Variants in SLC22A6 observed in about 807,000 individuals in gnomAD.
SLC22A6 encodes the protein solute carrier family 22 member 6, also known as PAH transporter.
Under a neutral mutation model 56.7 loss-of-function variants are expected in SLC22A6, and 45 were observed. The observed-to-expected ratio is 0.79, with a 90% CI of 0.63 to 1.02. The LOEUF is 1.02. Ranked by LOEUF, SLC22A6 falls within the 50% of genes least tolerant of loss-of-function variation. SLC22A6 has a pLI of 0.00. For missense variants in SLC22A6, 606 were observed against 713.8 expected (o/e 0.85, Z 1.72); for synonymous variants, 291 against 295.9 (o/e 0.98, Z 0.17).
In SLC22A6 at chr11:62,983,709, A is replaced by G. The variant is rs372228541; in HGVS notation, c.474-18T>C. The stretch of plus-strand genomic sequence containing the variant: ...GGCCTAGCCTGTGGGAGGAGGGGAG[A>G]CTTGTAGCAGGGCCCTGGAGACTGA... On this transcript the variant is annotated intron_variant, in intron 2 of 9. Coordinates refer to ENST00000360421, the MANE Select transcript of SLC22A6 (RefSeq NM_153276.3). The surrounding 1 kb of genome is among the most constrained non-coding windows in gnomAD (Gnocchi z 4.5). 6.3e-7 allele frequency: 1 copy of G among 1,598,440 alleles called. No homozygotes were observed. Among genetic ancestry groups the G allele is most frequent in the African/African-American group, 1.3e-5 (1 of 74,104 alleles).
At chr11:62,982,086 AC>A (rs1297379171) in intron 3 of SLC22A6, 76 bp from the exon 4 acceptor site, 1 of 1,447,012 alleles carries the variant, frequency 6.9e-7, no homozygotes, top group Non-Finnish European at 9.4e-7. Context: ...CTCCATCCAA[AC>A]CTTGGCCTGT....
chr11:62,978,692 C>T lies in SLC22A6; in HGVS notation c.1361+796G>A, dbSNP rs978463540. Among the ~76,000 whole-genome samples the T allele has an allele frequency of 9.4e-5, 14 of 148,632 alleles. 1 individual carries two copies. The highest frequency in any genetic ancestry group is 2.2e-4 in the South Asian group (1 of 4,650). On this transcript the variant is annotated intron_variant, in intron 8 of 9. Transcript: ENST00000360421. ...CTGCAAGCTCCGCCTCCCGGGTTCACGCCATTCTCCTGCCTCAGCCTCCCA... is the reference window on the plus strand; with the variant it reads ...CTGCAAGCTCCGCCTCCCGGGTTCATGCCATTCTCCTGCCTCAGCCTCCCA...
At chr11:62,981,608 G>A (rs1489656877) in intron 4 of SLC22A6, among the ~76,000 whole-genome samples, 2 of 152,238 alleles carry the variant, frequency 1.3e-5, no homozygotes, top group Non-Finnish European at 2.9e-5. Flanking sequence ...GGTAGGGGGA[G>A]CAGAGCAGGC....
rs1293865839 is a variant in SLC22A6 at position 62,983,833 on chromosome 11, T to A, written c.473+111A>T. ...TGAAGTATGAGGCTGGTGCTGTAGA[T>A]CCTCAAACCAGCGCCGGCTGGCAAT... On this transcript the variant is annotated intron_variant, in intron 2 of 9. Coordinates refer to ENST00000360421, the MANE Select transcript of SLC22A6 (RefSeq NM_153276.3). The surrounding 1 kb of genome is among the most constrained non-coding windows in gnomAD (Gnocchi z 4.5). 1.4e-5 allele frequency: 17 copies of A among 1,172,570 alleles called. No individual in the cohort carries two copies. Among genetic ancestry groups the A allele is most frequent in the Admixed American group, 2.5e-5 (1 of 39,854 alleles). 72.6% of individuals were successfully genotyped at this position (1,172,570 alleles called of 1,614,324 possible).
At position 62,984,110 on chromosome 11, in the gene SLC22A6, C is replaced by A. The variant is rs538868236; in HGVS notation, c.370-63G>T. On this transcript the variant is annotated intron_variant, in intron 1 of 9. Transcript: ENST00000360421. ...CTGGCTTCAGAGAATCCCCTTCCCC[C>A]ACTTCAGCTGGTCCTCTGGGGTCCA... 2.6e-5 allele frequency: 34 copies of A among 1,296,668 alleles called. No individual in the cohort carries two copies. The African/African-American group carries it at 4.7e-4, about 18-fold the overall frequency. The allele number at this position is 1,296,668 out of a possible 1,614,324, so 80.3% of individuals were successfully genotyped here.
At chr11:62,981,754 G>T in intron 4 of SLC22A6, 88 bp downstream of exon 4, 1 of 1,303,266 alleles carries the variant, frequency 7.7e-7, no homozygotes, top group Non-Finnish European at 1.0e-6. Flanking sequence ...TTGTGGGATG[G>T]GATGTGTGCT....
chr11:62,979,417 T>C, intron 8 of SLC22A6, 71 bp downstream of exon 8: 2 of 1,072,462 alleles, frequency 1.9e-6, no homozygotes, highest in Non-Finnish European at 2.9e-6. Flanking sequence ...AGCTCTGGGG[T>C]CTGACCTGTG....
At position 62,979,611 on chromosome 11, in the gene SLC22A6, G is replaced by A. The variant is rs149088036; in HGVS notation, c.1253-15C>T. 1 of 1,607,844 alleles carries A rather than the reference G, an allele frequency of 6.2e-7. No individual in the cohort carries two copies. Among genetic ancestry groups the A allele is most frequent in the Non-Finnish European group, 8.5e-7 (1 of 1,174,306 alleles). The stretch of plus-strand genomic sequence containing the variant: ...AATGGACTGGTCTAGAGAGAAAGAA[G>A]GGGGGATAGCAGGAGCTTGGGAGTG... On this transcript the variant is annotated splice_polypyrimidine_tract_variant and intron_variant, in intron 7 of 9. Transcript: ENST00000360421.
Position 62,981,118 on chromosome 11 carries a change from G to C in SLC22A6, c.922-18C>G, listed in dbSNP as rs931445013. On this transcript the variant is annotated intron_variant, in intron 5 of 9. Transcript: ENST00000360421. ...CGGAGTACCTGCTGGGACCGGCAGA[G>C]CTCAGGGCCCGGGATCCTCCCAAGG... is the stretch of plus-strand genomic sequence containing the variant. 6.2e-7 allele frequency: 1 copy of C among 1,609,490 alleles called. No individual in the cohort carries two copies. Among genetic ancestry groups the C allele is most frequent in the Admixed American group, 1.7e-5 (1 of 59,780 alleles).
chr11:62,979,652 T>C, intron 7 of SLC22A6, 56 bp from the exon 8 acceptor site: 5 of 1,585,626 alleles, frequency 3.2e-6, no homozygotes, highest in Non-Finnish European at 4.3e-6. Flanking sequence ...TAGGAGGAAT[T>C]GGCCCCCTCC....
In SLC22A6 at chr11:62,976,693, C is replaced by T; in HGVS notation, c.*101G>A. ...ATGCTTTCCTGAACCACAACCCCCA[C>T]ACTTGGGTCACCATTTCCTCTTCCT... On this transcript the variant is annotated 3_prime_UTR_variant, in exon 10 of 10. Transcript: ENST00000360421. The T allele has an allele frequency of 1.0e-6, 1 of 978,096 alleles. No individual in the cohort carries two copies. Among genetic ancestry groups the T allele is most frequent in the Non-Finnish European group, 1.5e-6 (1 of 652,090 alleles). 60.6% of individuals were successfully genotyped at this position (978,096 alleles called of 1,614,324 possible).
At position 62,982,021 on chromosome 11, in the gene SLC22A6, G is replaced by T. The variant is rs976785325; in HGVS notation, c.629-11C>A. The stretch of plus-strand genomic sequence containing the variant: ...GCATCCACTCCACATCTGGAAAGAG[G>T]GTTAAGACAGGATGCTGCAACTACC... On this transcript the variant is annotated splice_polypyrimidine_tract_variant and intron_variant, in intron 3 of 9. Coordinates refer to ENST00000360421, the MANE Select transcript of SLC22A6 (RefSeq NM_153276.3). The T allele has an allele frequency of 1.9e-6, 3 of 1,610,668 alleles. No homozygotes were observed. The African/African-American group carries it at 4.0e-5, about 22-fold the overall frequency.
At position 62,981,922 on chromosome 11, in the gene SLC22A6, A is replaced by G. The variant is rs1471256948; in HGVS notation, c.717T>C (p.Gly239=). 1 of 1,614,008 alleles carries G rather than the reference A, an allele frequency of 6.2e-7. No homozygotes were observed. The highest frequency in any genetic ancestry group is 8.5e-7 in the Non-Finnish European group (1 of 1,180,004). ...GCCAGTGGGGCACAGCGTAGGCCACACCAGCCAGGAGGAACTGGCCCAGGC... is the reference window on the plus strand; with the variant it reads ...GCCAGTGGGGCACAGCGTAGGCCACGCCAGCCAGGAGGAACTGGCCCAGGC... ...VYSLGQFLLA[G]VAYAVPHWRH... Residue 239 remains glycine (G), a synonymous_variant, in exon 4 of 10, where the codon GGT becomes GGC. Coordinates refer to ENST00000360421, the MANE Select transcript of SLC22A6 (RefSeq NM_153276.3).
intron 3 of SLC22A6, 33 bp from the exon 4 acceptor site, chr11:62,982,043 T>C: frequency 6.3e-7 from 1 of 1,597,964 alleles, no homozygotes; most frequent in Non-Finnish European, 8.5e-7. Context: ...ATGCTGCAAC[T>C]ACCTGGGCTG....
intron 6 of SLC22A6, among the ~76,000 whole-genome samples, chr11:62,980,773 A>T (rs1280350014): frequency 6.6e-6 from 1 of 152,238 alleles, no homozygotes; most frequent in African/African-American, 2.4e-5. Flanking sequence ...GTGAAAGGAC[A>T]AGATGGGGAG....
rs571229640 is a variant in SLC22A6, at chr11:62,983,130, C to T, written c.628+407G>A. 3.9e-5 allele frequency among the ~76,000 whole-genome samples: 6 copies of T among 152,108 alleles called. No homozygotes were observed. The highest frequency in any genetic ancestry group is 1.2e-4 in the African/African-American group (5 of 41,500). ...CGCAATCTCCGCTCACTGAAAGCTC[C>T]GCCTCCCGGGTTCACGCCATTCTCC... is the stretch of plus-strand genomic sequence containing the variant. On this transcript the variant is annotated intron_variant, in intron 3 of 9. Transcript: ENST00000360421. The surrounding 1 kb of genome is among the most constrained non-coding windows in gnomAD (Gnocchi z 4.5).
chr11:62,983,597 C>T lies in SLC22A6; in HGVS notation c.568G>A (p.Ala190Thr), dbSNP rs146282438. ...AFAPNFPIYC[A>T]FRLLSGMALA... ...GCCATGCCCGAGAGGAGCCGGAAGG[C>T]GCAGTAGATGGGGAAGTTGGGTGCG... Residue 190 changes from alanine to threonine, a missense_variant, in exon 3 of 10, where the codon GCC becomes ACC. Ala to Thr is a moderately conservative substitution (Grantham distance 58). Transcript: ENST00000360421. The surrounding 1 kb of genome is among the most constrained non-coding windows in gnomAD (Gnocchi z 4.5). 1.1e-4 allele frequency: 171 copies of T among 1,595,610 alleles called. 1 individual carries two copies. The African/African-American group carries it at 1.7e-3, about 16-fold the overall frequency.
In SLC22A6 at chr11:62,983,238, G is replaced by C. The variant is rs905233092; in HGVS notation, c.628+299C>G. 1.3e-5 allele frequency among the ~76,000 whole-genome samples: 2 copies of C among 152,092 alleles called. No homozygotes were observed. The highest frequency in any genetic ancestry group is 4.8e-5 in the African/African-American group (2 of 41,402). On this transcript the variant is annotated intron_variant, in intron 3 of 9. Coordinates refer to ENST00000360421, the MANE Select transcript of SLC22A6 (RefSeq NM_153276.3). The surrounding 1 kb of genome is among the most constrained non-coding windows in gnomAD (Gnocchi z 4.5). Reference sequence around the variant, plus strand: ...TTTTTGTATTTTTAGTAGAGACGGGGTTTCACCATGTTAGCCAGGATGGTC... The same window carrying C: ...TTTTTGTATTTTTAGTAGAGACGGGCTTTCACCATGTTAGCCAGGATGGTC...
Position 62,979,871 on chromosome 11 carries a change from A to G in SLC22A6, c.1115T>C (p.Val372Ala), listed in dbSNP as rs1390381762. The change falls in exon 7 of 10, where the codon GTG becomes GCG. Residue 372 changes from valine (V) to alanine (A), a missense_variant. Val to Ala is a moderately conservative substitution (Grantham distance 64). Coordinates refer to ENST00000360421, the MANE Select transcript of SLC22A6 (RefSeq NM_153276.3). ...AGGCAGGTCCACAGCACCAAAGATC[A>G]CCTGGATTAGGTAGATGCTGACTCC... ...GFGVSIYLIQ[V>A]IFGAVDLPAK... 2.1e-5 allele frequency: 34 copies of G among 1,614,006 alleles called. 1 individual carries two copies. The highest frequency in any genetic ancestry group is 2.9e-5 in the Non-Finnish European group (34 of 1,179,962).
Sources: gnomAD v4.1 joint callset for allele counts (sites outside exome capture counted in the v4.1 genomes callset) on GRCh38, gnomAD v4.1.1 for gene constraint, Gnocchi (gnomAD v3.1) non-coding constraint, MANE v1.5 for transcripts, NCBI Gene and HGNC (gene_info 2026-07-23, HGNC 2026-07-21) for gene names.